Variants in THEMIS observed in about 807,000 individuals in gnomAD.
The protein encoded by THEMIS is protein THEMIS.
A neutral mutation model predicts 52.6 loss-of-function variants in THEMIS; 37 were observed. The observed-to-expected ratio is 0.70, with a 90% confidence interval of 0.54 to 0.93. The LOEUF (loss-of-function observed/expected upper bound fraction) is 0.93. Ranked by LOEUF, THEMIS falls within the 40% of genes least tolerant of loss-of-function variation. THEMIS has a pLI of 0.00. For synonymous variants in THEMIS, 292 were observed against 272.7 expected (o/e 1.07, Z -0.70); for missense variants, 808 against 763.1 (o/e 1.06, Z -0.69).
downstream of THEMIS, among the ~76,000 whole-genome samples, chr6:127,707,819 G>A (rs1773838566): frequency 6.6e-6 from 1 of 152,050 alleles, no homozygotes; most frequent in Non-Finnish European, 1.5e-5. Context: ...TTAAAATCCT[G>A]GATGTAAGAG....
intron 4 of THEMIS, among the ~76,000 whole-genome samples, chr6:127,755,643 A>G (rs1354635572): frequency 6.6e-6 from 1 of 152,182 alleles, no homozygotes; most frequent in Non-Finnish European, 1.5e-5. Flanking sequence ...ACCCTAACCC[A>G]TTCAAGCACA....
chr6:127,773,861 GTTAATGGCTTATA>G (rs1197026098), intron 4 of THEMIS, among the ~76,000 whole-genome samples: 1 of 152,188 alleles, frequency 6.6e-6, no homozygotes, highest in Non-Finnish European at 1.5e-5. Context: ...GTCTCATACA[GTTAATGGCTTATA>G]TTAGAGGCCC....
intron 1 of THEMIS, among the ~76,000 whole-genome samples, chr6:127,917,258 A>T (rs997725394): frequency 1.3e-5 from 2 of 152,196 alleles, no homozygotes; most frequent in Non-Finnish European, 2.9e-5. Context: ...AGCAGAATGG[A>T]GTCAGTCCCC....
chr6:127,862,645 C>G (rs1779845660), intron 1 of THEMIS, among the ~76,000 whole-genome samples: 1 of 151,618 alleles, frequency 6.6e-6, no homozygotes, highest in Non-Finnish European at 1.5e-5. Flanking sequence ...GTCTTGAACT[C>G]CTGACTTCAA....
At chr6:127,898,555 T>G (rs1243942521) in intron 1 of THEMIS, among the ~76,000 whole-genome samples, 1 of 151,656 alleles carries the variant, frequency 6.6e-6, no homozygotes, top group Non-Finnish European at 1.5e-5. Flanking sequence ...GGAATGTGTA[T>G]CAGTACAGTC....
intron 4 of THEMIS, among the ~76,000 whole-genome samples, chr6:127,771,125 AACAG>A (rs918762629): frequency 6.6e-5 from 10 of 152,118 alleles, no homozygotes; most frequent in African/African-American, 2.2e-4. Flanking sequence ...GTACTCTAAT[AACAG>A]ACAAAGAACC....
At chr6:127,832,775 A>ATTTT in intron 2 of THEMIS, among the ~76,000 whole-genome samples, 1 of 54,032 alleles carries the variant, frequency 1.9e-5, no homozygotes, top group Non-Finnish European at 3.3e-5. Context: ...GGATTGTCAG[A>ATTTT]TCTTTTTTTT....
chr6:127,696,738 T>A, the THEMIS span, among the ~76,000 whole-genome samples: 1 of 152,322 alleles, frequency 6.6e-6, no homozygotes, highest in Admixed American at 6.5e-5. Context: ...TTTTTATTTT[T>A]TATTTTTTTA....
chr6:127,732,410 T>A (rs1237707911), intron 4 of THEMIS, among the ~76,000 whole-genome samples: 1 of 152,166 alleles, frequency 6.6e-6, no homozygotes, highest in Non-Finnish European at 1.5e-5. Flanking sequence ...CAATAGTATA[T>A]AATACTTTCA....
At chr6:127,856,905 A>G (rs1390468203) in intron 1 of THEMIS, among the ~76,000 whole-genome samples, 1 of 151,876 alleles carries the variant, frequency 6.6e-6, no homozygotes, top group Non-Finnish European at 1.5e-5. Flanking sequence ...TCACATACTA[A>G]CATTTTATAT....
At chr6:127,890,312 A>C (rs1041260650) in intron 1 of THEMIS, among the ~76,000 whole-genome samples, 4 of 152,202 alleles carry the variant, frequency 2.6e-5, no homozygotes, top group Non-Finnish European at 5.9e-5. Context: ...TTTCAGTAAC[A>C]TGACTTCTGC....
Position 127,723,180 on chromosome 6 carries a change from T to G in THEMIS, c.1759-3357A>C, listed in dbSNP as rs557880581. Among the ~76,000 whole-genome samples the G allele has an allele frequency of 1.5e-4, 23 of 152,146 alleles. No individual in the cohort carries two copies. The South Asian group carries it at 4.8e-3, about 32-fold the overall frequency. On this transcript the variant is annotated intron_variant, in intron 4 of 5. Transcript: ENST00000368248. The stretch of plus-strand genomic sequence containing the variant: ...TCTGAGATCCACTGATCCCTCTACT[T>G]TCTCTATATCCATCACCCCTTTGCT...
chr6:127,850,521 G>A (rs1779384763), intron 2 of THEMIS, among the ~76,000 whole-genome samples: 1 of 151,788 alleles, frequency 6.6e-6, no homozygotes, highest in African/African-American at 2.4e-5. Flanking sequence ...ATTAAAAAAT[G>A]TAGTATATAT....
chr6:127,703,035 G>GTTTTTTTTTT, the THEMIS span, among the ~76,000 whole-genome samples: 88 of 82,374 alleles, frequency 1.1e-3, 6 homozygotes, highest in East Asian at 5.8e-3. Flanking sequence ...TTTAGAATGA[G>GTTTTTTTTTT]TTTTTTTTTT....
In THEMIS at chr6:127,829,856, C is replaced by T. The variant is rs780429903; in HGVS notation, c.329G>A (p.Ser110Asn). The stretch of plus-strand genomic sequence containing the variant: ...ATAGAAGCAAGGATGCCCTAGTCTA[C>T]TTGGTCCAATATGAATGGTCCTTGT... Reference protein sequence around the residue: ...EITRTIHIGPSRLGHPCFYHQ... With the variant: ...EITRTIHIGPNRLGHPCFYHQ... The change falls in exon 3 of 6, where the codon AGT (serine) becomes AAT (asparagine). Residue 110 changes from serine (S) to asparagine (N), a missense_variant. Physicochemically the swap from Ser to Asn is conservative, Grantham distance 46. Transcript: ENST00000368248. 30 of 1,613,936 alleles carry T rather than the reference C, an allele frequency of 1.9e-5. No individual in the cohort carries two copies. In the South Asian group the frequency reaches 2.9e-4, roughly 15 times the overall value.
intron 1 of THEMIS, among the ~76,000 whole-genome samples, chr6:127,880,524 A>C (rs1281388342): frequency 6.7e-6 from 1 of 150,238 alleles, no homozygotes; most frequent in Non-Finnish European, 1.5e-5. Context: ...AAAAAAAAAA[A>C]CTTTTTTGAA....
chr6:127,753,742 C>A (rs1775726226), intron 4 of THEMIS, among the ~76,000 whole-genome samples: 1 of 151,856 alleles, frequency 6.6e-6, no homozygotes, highest in Admixed American at 6.6e-5. Context: ...TTGCCAGGGG[C>A]TGATGGGAGG....
chr6:127,834,186 A>G (rs904654408), intron 2 of THEMIS, among the ~76,000 whole-genome samples: 1 of 152,160 alleles, frequency 6.6e-6, no homozygotes, highest in African/African-American at 2.4e-5. Context: ...AGGGCAGAAC[A>G]TATGTCTAAG....
chr6:127,698,840 T>TAA, the THEMIS span, among the ~76,000 whole-genome samples: 5 of 151,628 alleles, frequency 3.3e-5, no homozygotes, highest in African/African-American at 9.7e-5. Flanking sequence ...TTGTATGGCT[T>TAA]AAAAAAAATC....
Sources: gnomAD v4.1 joint callset for allele counts (sites outside exome capture counted in the v4.1 genomes callset) on GRCh38, gnomAD v4.1.1 for gene constraint, MANE v1.5 for transcripts, NCBI Gene and HGNC (gene_info 2026-07-23, HGNC 2026-07-21) for gene names.